Variants in STK32C observed in about 807,000 individuals in gnomAD.
STK32C encodes serine/threonine kinase 32C.
In STK32C, 31 loss-of-function variants were observed where a neutral mutation model predicts 56.5. The ratio of observed to expected loss-of-function variants is 0.55; its 90% confidence interval spans 0.41 to 0.74. The LOEUF is 0.74. STK32C is among the 30% of genes least tolerant of loss of function. The pLI is 0.00. For missense variants in STK32C, 544 were observed against 676.9 expected, an observed-to-expected ratio of 0.80 and a Z score of 2.18; for synonymous variants, 309 against 289.4, an observed-to-expected ratio of 1.07 and a Z score of -0.69.
chr10:132,311,513 T>A (rs947248671), upstream of STK32C, among the ~76,000 whole-genome samples: 1 of 152,208 alleles, frequency 6.6e-6, no homozygotes, highest in African/African-American at 2.4e-5. This position sits in a 1 kb window ranked among gnomAD's most constrained non-coding sequence, Gnocchi z 4.4. Context: ...TTGGTTGCTA[T>A]GGTGACAGTA....
Position 132,208,044 on chromosome 10 carries a change from C to T in STK32C, c.1427G>A (p.Cys476Tyr), listed in dbSNP as rs2062153230. 1 of 1,311,172 alleles carries T rather than the reference C, an allele frequency of 7.6e-7. No homozygotes were observed. The highest frequency in any genetic ancestry group is 1.5e-5 in the African/African-American group (1 of 66,394). 81.2% of individuals were successfully genotyped at this position (1,311,172 alleles called of 1,614,324 possible). The part of the protein sequence containing the change: ...DEAERSALPM[C>Y]GPICPSAGSG ...CCCGGCCGAGGGGCAAATGGGGCCGCACATGGGCAGGGCGGAGCGTTCCGC... is the reference window on the plus strand; with the variant it reads ...CCCGGCCGAGGGGCAAATGGGGCCGTACATGGGCAGGGCGGAGCGTTCCGC... Residue 476 changes from cysteine to tyrosine, a missense_variant, in exon 12 of 12, where the codon TGC becomes TAC. Coordinates refer to ENST00000298630, the MANE Select transcript of STK32C (RefSeq NM_173575.4).
chr10:132,254,370 G>A (rs558568447), intron 1 of STK32C, among the ~76,000 whole-genome samples: 3 of 152,312 alleles, frequency 2.0e-5, no homozygotes, highest in Non-Finnish European at 2.9e-5. Context: ...TATCAAAACT[G>A]GTAAGAAAAT....
In STK32C at chr10:132,307,690, C is replaced by G. The variant is rs2066120708; in HGVS notation, c.144G>C (p.Ser48=). 6.7e-7 allele frequency: 1 copy of G among 1,503,188 alleles called. No individual in the cohort carries two copies. The highest frequency in any genetic ancestry group is 2.8e-5 in the East Asian group (1 of 35,462). The allele number at this position is 1,503,188 out of a possible 1,614,324, so 93.1% of individuals were successfully genotyped here. A position where few individuals can be genotyped will look rare whatever the true frequency, so the allele number is the denominator to read the frequency against. Residue 48 remains serine, a synonymous_variant, in exon 1 of 12, where the codon TCG becomes TCC. Coordinates refer to ENST00000298630, the MANE Select transcript of STK32C (RefSeq NM_173575.4). The surrounding 1 kb of genome is among the most constrained non-coding windows in gnomAD (Gnocchi z 4.4). Reference sequence around the variant, plus strand: ...GGCGCGGCTGCGAGCGGACATCGCCCGAGTCCCGGGCCCGGGGCTGGCCAG... The same window carrying G: ...GGCGCGGCTGCGAGCGGACATCGCCGGAGTCCCGGGCCCGGGGCTGGCCAG... ...PAAGQPRARD[S]GDVRSQPRPL... is the part of the protein sequence containing the mutation.
intron 10 of STK32C, among the ~76,000 whole-genome samples, chr10:132,220,118 T>C (rs1019524590): frequency 6.6e-6 from 1 of 152,196 alleles, no homozygotes; most frequent in Admixed American, 6.5e-5. Context: ...CATTTGGAAG[T>C]GAGGTCTTTG....
chr10:132,245,208 G>A (rs2063643943), intron 2 of STK32C, among the ~76,000 whole-genome samples: 1 of 152,202 alleles, frequency 6.6e-6, no homozygotes, highest in Non-Finnish European at 1.5e-5. Flanking sequence ...AGGAGCAGGA[G>A]GGAGGCAGCA....
At chr10:132,266,441 C>T (rs528794850) in intron 1 of STK32C, among the ~76,000 whole-genome samples, 2 of 152,312 alleles carry the variant, frequency 1.3e-5, no homozygotes, top group South Asian at 2.1e-4. Context: ...AATCTGCATA[C>T]TCACATCTGT....
intron 1 of STK32C, among the ~76,000 whole-genome samples, chr10:132,305,157 T>C (rs2066022253): frequency 6.6e-6 from 1 of 152,110 alleles, no homozygotes. Context: ...AGAGAAGGGA[T>C]AGAATGGGAG....
At chr10:132,331,387 T>C (rs1398298512) in intron 1 of STK32C, 4 of 1,551,722 alleles carry the variant, frequency 2.6e-6, no homozygotes. Context: ...CCGCCCGGTG[T>C]CATTTCATCT....
At chr10:132,256,468 C>T (rs1019103871) in intron 1 of STK32C, among the ~76,000 whole-genome samples, 4 of 152,184 alleles carry the variant, frequency 2.6e-5, no homozygotes, top group South Asian at 2.1e-4. Flanking sequence ...TCAGACAACA[C>T]GGGGATCTGC....
chr10:132,267,543 C>T (rs1260909628), intron 1 of STK32C, among the ~76,000 whole-genome samples: 3 of 136,790 alleles, frequency 2.2e-5, no homozygotes, highest in South Asian at 2.4e-4. Flanking sequence ...GCATGTTCAG[C>T]TCTATGCCTG....
chr10:132,212,584 T>G (rs953113260), intron 10 of STK32C, among the ~76,000 whole-genome samples: 4 of 152,164 alleles, frequency 2.6e-5, no homozygotes, highest in Non-Finnish European at 5.9e-5. Context: ...GGTCCAAGAC[T>G]TCCCTGCTGC....
intron 1 of STK32C, among the ~76,000 whole-genome samples, chr10:132,329,016 A>T (rs1478107780): frequency 6.6e-6 from 1 of 152,376 alleles, no homozygotes; most frequent in East Asian, 1.9e-4. Flanking sequence ...ATTTCAAAAC[A>T]CAGGACTCCA....
chr10:132,322,043 C>T (rs374503909), downstream of STK32C, among the ~76,000 whole-genome samples: 42 of 152,252 alleles, frequency 2.8e-4, 1 homozygote, highest in East Asian at 3.9e-3. Context: ...CAGCGGGTTC[C>T]GTGGGCTTCA....
rs760210921 is a variant in STK32C, at chr10:132,222,894, G to C, written c.1086C>G (p.Ser362Arg). ...ALAGVLWDHL[S>R]EKRVEPGFVP... is the part of the protein sequence containing the mutation. ...CGAAGCCCGGCTCCACCCTCTTCTC[G>C]CTCAGGTGGTCCCACAGCACGCCGG... is the stretch of plus-strand genomic sequence containing the variant. Residue 362 changes from serine to arginine, a missense_variant, in exon 9 of 12, where the codon AGC (serine) becomes AGG (arginine). Ser to Arg is a moderately radical substitution (Grantham distance 110). Transcript: ENST00000298630. 1.3e-6 allele frequency: 2 copies of C among 1,570,934 alleles called. No individual in the cohort carries two copies. The highest frequency in any genetic ancestry group is 1.7e-6 in the Non-Finnish European group (2 of 1,161,502).
At chr10:132,209,009 GCCCA>G in intron 11 of STK32C, 21 bp downstream of exon 11, 2 of 892,860 alleles carry the variant, frequency 2.2e-6, no homozygotes, top group Non-Finnish European at 1.8e-6. Flanking sequence ...CTGCCACCAC[GCCCA>G]CCCACCCCCA....
chr10:132,214,867 A>C (rs1192768544), intron 10 of STK32C, among the ~76,000 whole-genome samples: 1 of 152,256 alleles, frequency 6.6e-6, no homozygotes, highest in Non-Finnish European at 1.5e-5. Flanking sequence ...TTTCAAAAAG[A>C]AGTATAATTA....
chr10:132,307,686 C>A lies in STK32C; in HGVS notation c.148G>T (p.Asp50Tyr). 2 of 1,510,160 alleles carry A rather than the reference C, an allele frequency of 1.3e-6. No homozygotes were observed. The highest frequency in any genetic ancestry group is 1.8e-6 in the Non-Finnish European group (2 of 1,128,598). The allele number at this position is 1,510,160 out of a possible 1,614,324, so 93.5% of individuals were successfully genotyped here. The change falls in exon 1 of 12, where the codon GAT (aspartate) becomes TAT (tyrosine). Residue 50 changes from aspartate to tyrosine, a missense_variant. This residue lies in a region of STK32C where 182 missense variants were observed against 217.7 expected (regional missense o/e 0.84). Transcript: ENST00000298630. This position sits in a 1 kb window ranked among gnomAD's most constrained non-coding sequence, Gnocchi z 4.4. ...AGGGGGCGCGGCTGCGAGCGGACAT[C>A]GCCCGAGTCCCGGGCCCGGGGCTGG... ...AGQPRARDSG[D>Y]VRSQPRPLFQ...
chr10:132,270,733 C>A (rs971803385), intron 1 of STK32C, among the ~76,000 whole-genome samples: 9 of 152,214 alleles, frequency 5.9e-5, no homozygotes, highest in Non-Finnish European at 1.3e-4. Context: ...AGAGAACCCA[C>A]AGGCAGCCCA....
intron 1 of STK32C, among the ~76,000 whole-genome samples, chr10:132,283,470 G>C (rs1233903455): frequency 3.9e-5 from 6 of 152,228 alleles, no homozygotes; most frequent in Non-Finnish European, 7.3e-5. Context: ...TGGGAGGAGG[G>C]TGTCATGGGG....
Sources: allele counts gnomAD v4.1 joint callset (sites outside exome capture counted in the v4.1 genomes callset), GRCh38; gene constraint gnomAD v4.1.1; regional missense constraint gnomAD v4.1.1; non-coding constraint Gnocchi (gnomAD v3.1); transcripts MANE v1.5; gene names NCBI Gene and HGNC (gene_info 2026-07-23, HGNC 2026-07-21).